Variants in BCL9 observed in about 807,000 individuals in gnomAD.
BCL9 encodes the protein B-cell CLL/lymphoma 9 protein.
A neutral mutation model predicts 88.5 loss-of-function variants in BCL9; 25 were observed. The ratio of observed to expected loss-of-function variants is 0.28; its 90% confidence interval spans 0.21 to 0.39. The LOEUF is 0.39. BCL9 is among the 10% of genes least tolerant of loss of function. BCL9 has a pLI of 1.00. For missense variants in BCL9, 1,817 were observed against 1,877.8 expected, an observed-to-expected ratio of 0.97 and a Z score of 0.60; for synonymous variants, 711 against 673.3, an observed-to-expected ratio of 1.06 and a Z score of -0.87.
Position 147,613,033 on chromosome 1 carries a change from T to C in BCL9, c.204T>C (p.Ser68=). ...QSQPSPCDSK[S]GGHTPKALPG... is the part of the protein sequence containing the mutation. ...AGCCATCCCCCTGTGACTCCAAGAG[T>C]GGGGGCCATACCCCTAAAGCACTCC... The change falls in exon 5 of 10, where the codon AGT becomes AGC. Residue 68 remains serine, a synonymous_variant. Transcript: ENST00000234739. The C allele has an allele frequency of 6.2e-7, 1 of 1,606,784 alleles. No homozygotes were observed. The highest frequency in any genetic ancestry group is 8.5e-7 in the Non-Finnish European group (1 of 1,176,018).
chr1:147,614,939 A>G (rs1330639511), intron 6 of BCL9, among the ~76,000 whole-genome samples: 1 of 151,936 alleles, frequency 6.6e-6, no homozygotes, highest in African/African-American at 2.4e-5. Flanking sequence ...CCTGGGATCA[A>G]GCAATTCATC....
In BCL9 at chr1:147,622,427, G is replaced by A. The variant is rs1431519868; in HGVS notation, c.3059G>A (p.Ser1020Asn). 2 of 1,613,968 alleles carry A rather than the reference G, an allele frequency of 1.2e-6. No individual in the cohort carries two copies. The highest frequency in any genetic ancestry group is 1.7e-6 in the Non-Finnish European group (2 of 1,180,026). ...CGAATGTCCAAGTTTGCAATGCCCA[G>A]TTCCACCCCGTTATACCATGATGCT... ...MSRMSKFAMP[S>N]STPLYHDAIK... The change falls in exon 9 of 10, where the codon AGT becomes AAT. Residue 1020 changes from serine to asparagine, a missense_variant. This residue lies in a region of BCL9 where 589 missense variants were observed against 686.2 expected (regional missense o/e 0.86). Coordinates refer to ENST00000234739, the MANE Select transcript of BCL9 (RefSeq NM_004326.4).
chr1:147,554,308 A>G (rs1553195152), intron 1 of BCL9, among the ~76,000 whole-genome samples: 25 of 152,234 alleles, frequency 1.6e-4, no homozygotes, highest in Non-Finnish European at 1.5e-5. Flanking sequence ...AGACAGTCTC[A>G]AAGACATACA....
intron 1 of BCL9, among the ~76,000 whole-genome samples, chr1:147,600,532 G>C (rs587671901): frequency 1.3e-5 from 2 of 151,892 alleles, no homozygotes; most frequent in East Asian, 3.9e-4. Context: ...GGAACCTGTG[G>C]GGGGAGGTGG....
intron 1 of BCL9, among the ~76,000 whole-genome samples, chr1:147,553,380 C>A (rs1296469267): frequency 1.3e-5 from 2 of 152,196 alleles, no homozygotes; most frequent in African/African-American, 4.8e-5. Context: ...TCTGCACGGT[C>A]TTTTTCAATT....
chr1:147,567,044 A>G (rs1553196799), intron 1 of BCL9, among the ~76,000 whole-genome samples: 1 of 152,242 alleles, frequency 6.6e-6, no homozygotes, highest in East Asian at 1.9e-4. Context: ...AACCTCTTCC[A>G]ACGTGGGTAA....
intron 1 of BCL9, among the ~76,000 whole-genome samples, chr1:147,592,814 C>T (rs1656902014): frequency 6.6e-6 from 1 of 152,174 alleles, no homozygotes; most frequent in African/African-American, 2.4e-5. Flanking sequence ...TACATGTCTA[C>T]AGTCATTCAT....
intron 1 of BCL9, among the ~76,000 whole-genome samples, chr1:147,548,979 C>CTTTTTTTTTTTTTTTTTTTT (rs72473603): frequency 5.4e-5 from 6 of 111,312 alleles, no homozygotes; most frequent in Non-Finnish European, 7.0e-5. Context: ...TTCTTTCTTT[C>CTTTTTTTTTTTTTTTTTTTT]TTTTTTTTTT....
At position 147,621,049 on chromosome 1, in the gene BCL9, T is replaced by C. The variant is rs376559141; in HGVS notation, c.2894T>C (p.Val965Ala). The C allele has an allele frequency of 1.1e-5, 17 of 1,612,522 alleles. No individual in the cohort carries two copies. Among genetic ancestry groups the C allele is most frequent in the Non-Finnish European group, 1.4e-5 (16 of 1,179,488 alleles). The change falls in exon 8 of 10, where the codon GTA (valine) becomes GCA (alanine). Residue 965 changes from valine (V) to alanine (A), a missense_variant. By Grantham distance (64) the Val-to-Ala change is moderately conservative. Coordinates refer to ENST00000234739, the MANE Select transcript of BCL9 (RefSeq NM_004326.4). ...TMASPAMLGNVESGGPPPPTA... is the reference protein window; with the variant it reads ...TMASPAMLGNAESGGPPPPTA... ...GCCTCCCCAGCCATGCTGGGAAATG[T>C]AGAGTCAGGTCAGTATGCTTGCATC...
intron 3 of BCL9, among the ~76,000 whole-genome samples, chr1:147,607,127 A>G (rs966487868): frequency 5.3e-5 from 8 of 152,122 alleles, no homozygotes; most frequent in South Asian, 2.1e-4. Flanking sequence ...TTAACATACT[A>G]TCTCCAAGTT....
intron 1 of BCL9, among the ~76,000 whole-genome samples, chr1:147,547,114 A>G (rs12075087): frequency 0.095 from 14,404 of 152,166 alleles, 1,651 homozygotes; most frequent in African/African-American, 0.28. Flanking sequence ...TTTGGGGATG[A>G]CAGGACAATC....
At chr1:147,600,531 G>T (rs782771722) in intron 1 of BCL9, among the ~76,000 whole-genome samples, 32 of 151,720 alleles carry the variant, frequency 2.1e-4, no homozygotes, top group Non-Finnish European at 4.1e-4. Flanking sequence ...AGGAACCTGT[G>T]GGGGGAGGTG....
intron 1 of BCL9, among the ~76,000 whole-genome samples, chr1:147,554,320 G>C (rs1335801456): frequency 6.6e-6 from 1 of 152,078 alleles, no homozygotes; most frequent in Non-Finnish European, 1.5e-5. Context: ...AGACATACAG[G>C]GATTTATCTG....
chr1:147,563,427 G>A (rs1655471969), intron 1 of BCL9, among the ~76,000 whole-genome samples: 1 of 152,164 alleles, frequency 6.6e-6, no homozygotes, highest in Non-Finnish European at 1.5e-5. Context: ...TCTCATGCAG[G>A]TATAACAACA....
Position 147,620,994 on chromosome 1 carries a change from C to T in BCL9, c.2839C>T (p.Pro947Ser), listed in dbSNP as rs1215217982. Residue 947 changes from proline to serine, a missense_variant, in exon 8 of 10, where the codon CCT becomes TCT. Physicochemically the swap from Pro to Ser is moderately conservative, Grantham distance 74 (BLOSUM62 -1). Coordinates refer to ENST00000234739, the MANE Select transcript of BCL9 (RefSeq NM_004326.4). Reference sequence around the variant, plus strand: ...ACCTCCCCTTCAGAGTCCTGGGATCCCTCCAAACCATAAAGCACCCCTCAC... The same window carrying T: ...ACCTCCCCTTCAGAGTCCTGGGATCTCTCCAAACCATAAAGCACCCCTCAC... ...PKPPLQSPGI[P>S]PNHKAPLTMA... is the part of the protein sequence containing the mutation. 5 of 1,614,038 alleles carry T rather than the reference C, an allele frequency of 3.1e-6. No individual in the cohort carries two copies. Among genetic ancestry groups the T allele is most frequent in the Non-Finnish European group, 3.4e-6 (4 of 1,180,056 alleles).
chr1:147,559,742 A>G (rs1465139204), intron 1 of BCL9, among the ~76,000 whole-genome samples: 6 of 152,234 alleles, frequency 3.9e-5, no homozygotes, highest in African/African-American at 1.4e-4. Flanking sequence ...AACCACAAGC[A>G]AGAGAGTAAA....
At chr1:147,610,619 G>C (rs1458460073) in intron 3 of BCL9, among the ~76,000 whole-genome samples, 1 of 152,066 alleles carries the variant, frequency 6.6e-6, no homozygotes, top group African/African-American at 2.4e-5. Context: ...CCTATACTTT[G>C]TCAGTAAGAT....
chr1:147,603,021 G>A (rs1479401488), intron 1 of BCL9, among the ~76,000 whole-genome samples: 4 of 152,142 alleles, frequency 2.6e-5, no homozygotes, highest in Non-Finnish European at 4.4e-5. Context: ...TCATAATGGC[G>A]TTTCTGCCTA....
chr1:147,581,698 G>T (rs1305212198), intron 1 of BCL9, among the ~76,000 whole-genome samples: 2 of 152,184 alleles, frequency 1.3e-5, no homozygotes, highest in African/African-American at 4.8e-5. Context: ...GCCAGTTGTA[G>T]ATTCCAGGTC....
Sources: gnomAD v4.1 joint callset for allele counts (sites outside exome capture counted in the v4.1 genomes callset) on GRCh38, gnomAD v4.1.1 for gene constraint, gnomAD v4.1.1 regional missense constraint, MANE v1.5 for transcripts, NCBI Gene and HGNC (gene_info 2026-07-23, HGNC 2026-07-21) for gene names.